Variants in AKT3 observed in about 807,000 individuals in gnomAD.
The protein encoded by AKT3 is RAC-gamma serine/threonine-protein kinase.
In AKT3, 15 loss-of-function variants were observed where a neutral mutation model predicts 65.3. The observed-to-expected ratio is 0.23, with a 90% CI of 0.15 to 0.35. AKT3 has a LOEUF of 0.35. Among genes scored for constraint, AKT3 ranks in the 10% least tolerant of loss-of-function variants. The pLI is 1.00. For synonymous variants in AKT3, 206 were observed against 183.8 expected (o/e 1.12, Z -0.98); for missense variants, 243 against 576.5 (o/e 0.42, Z 5.92).
chr1:243,686,994 C>T lies in AKT3; in HGVS notation c.172+8597G>A, dbSNP rs1477711821. Among the ~76,000 whole-genome samples the T allele has an allele frequency of 7.2e-5, 11 of 151,882 alleles. No homozygotes were observed. The East Asian group carries it at 1.7e-3, about 24-fold the overall frequency. On this transcript the variant is annotated intron_variant, in intron 3 of 13. Coordinates refer to ENST00000673466, the MANE Select transcript of AKT3 (RefSeq NM_005465.7). ...GATCTCACTTGATCCTCACTGTAAG[C>T]CTGTGAAGAAGGTATCATTAGCTCC...
chr1:243,646,911 T>C (rs1558681174), intron 4 of AKT3, among the ~76,000 whole-genome samples: 1 of 152,222 alleles, frequency 6.6e-6, no homozygotes, highest in South Asian at 2.1e-4. Context: ...GCATTTATTT[T>C]TTGACATTTG....
At chr1:243,663,434 G>A (rs1387377752) in intron 4 of AKT3, among the ~76,000 whole-genome samples, 1 of 151,756 alleles carries the variant, frequency 6.6e-6, no homozygotes. Context: ...ATCAATGGTG[G>A]GGAGGGGAGG....
chr1:243,576,138 G>A (rs772133370), intron 8 of AKT3, among the ~76,000 whole-genome samples: 42 of 151,866 alleles, frequency 2.8e-4, no homozygotes, highest in Non-Finnish European at 4.3e-4. Flanking sequence ...CAAAAACCAC[G>A]TGATTATCTC....
chr1:243,604,030 G>A (rs1677213063), intron 8 of AKT3, among the ~76,000 whole-genome samples: 1 of 151,702 alleles, frequency 6.6e-6, no homozygotes, highest in Non-Finnish European at 1.5e-5. Context: ...CAAGTAGCTG[G>A]GATTACAGGC....
chr1:243,626,047 G>T (rs1572052916), intron 6 of AKT3, among the ~76,000 whole-genome samples: 2 of 152,134 alleles, frequency 1.3e-5, no homozygotes, highest in African/African-American at 4.8e-5. Flanking sequence ...TTAACTTCAT[G>T]GTCATCAGGA....
At chr1:243,842,995 T>C (rs1695340511) in intron 2 of AKT3, 130 bp downstream of exon 2, 1 of 942,814 alleles carries the variant, frequency 1.1e-6, no homozygotes, top group Non-Finnish European at 1.5e-6. Flanking sequence ...ACGTTAAATA[T>C]ATCATTTCTC....
intron 6 of AKT3, among the ~76,000 whole-genome samples, chr1:243,623,149 G>A (rs1678892030): frequency 2.0e-5 from 3 of 152,152 alleles, no homozygotes. Flanking sequence ...GATAGTTTAT[G>A]CAAACAACAG....
In AKT3 at chr1:243,500,156, T is replaced by C. The variant is rs1669123278; in HGVS notation, c.*5093A>G. 1 of 298,650 alleles carries C rather than the reference T, an allele frequency of 3.3e-6. No homozygotes were observed. The allele number at this position is 298,650 out of a possible 1,614,324, so 18.5% of individuals were successfully genotyped here. On this transcript the variant is annotated 3_prime_UTR_variant, in exon 14 of 14. Coordinates refer to ENST00000673466, the MANE Select transcript of AKT3 (RefSeq NM_005465.7). Reference sequence around the variant, plus strand: ...ACAAAACACACCAAAAAGGCACATATTTTAACTAGGCCAAAGTATATTAAG... The same window carrying C: ...ACAAAACACACCAAAAAGGCACATACTTTAACTAGGCCAAAGTATATTAAG...
intron 2 of AKT3, among the ~76,000 whole-genome samples, chr1:243,785,516 T>C (rs932366872): frequency 6.6e-5 from 10 of 152,216 alleles, no homozygotes; most frequent in Non-Finnish European, 1.3e-4. Context: ...CTATTGGTGA[T>C]GCTATGTAAA....
chr1:243,708,185 A>G (rs1685922962), intron 2 of AKT3, among the ~76,000 whole-genome samples: 1 of 152,056 alleles, frequency 6.6e-6, no homozygotes, highest in Admixed American at 6.6e-5. Context: ...TTCTTAGACT[A>G]GAACTGAACA....
chr1:243,783,722 T>C (rs1691061046), intron 2 of AKT3, among the ~76,000 whole-genome samples: 1 of 152,190 alleles, frequency 6.6e-6, no homozygotes, highest in African/African-American at 2.4e-5. Context: ...GAATAGTCTA[T>C]AACAAAATAT....
intron 6 of AKT3, chr1:243,625,065 T>C: frequency 3.2e-6 from 1 of 309,694 alleles, no homozygotes. Flanking sequence ...ACCCTTGCCC[T>C]TTCCCCACTT....
At chr1:243,686,653 T>TATATATATATATA (rs1684343018) in intron 3 of AKT3, among the ~76,000 whole-genome samples, 6 of 11,550 alleles carry the variant, frequency 5.2e-4, no homozygotes, top group Non-Finnish European at 8.2e-4. Flanking sequence ...ATATATATAT[T>TATATATATATATA]TTTTTTTTTT....
intron 2 of AKT3, among the ~76,000 whole-genome samples, chr1:243,738,736 C>G (rs2148168262): frequency 6.6e-6 from 1 of 152,136 alleles, no homozygotes; most frequent in South Asian, 2.1e-4. Context: ...CAGTTACAAT[C>G]TAAGAAATGC....
At chr1:243,605,640 TC>T (rs1677347696) in intron 8 of AKT3, among the ~76,000 whole-genome samples, 1 of 152,228 alleles carries the variant, frequency 6.6e-6, no homozygotes, top group East Asian at 1.9e-4. Context: ...ATGATGAAAT[TC>T]CATTGTACCA....
rs535768933 is a variant in AKT3 at position 243,795,822 on chromosome 1, C to T, written c.46+47303G>A. Among the ~76,000 whole-genome samples, 8 of 152,226 alleles carry T rather than the reference C, an allele frequency of 5.3e-5. No homozygotes were observed. The East Asian group carries it at 1.5e-3, about 29-fold the overall frequency. On this transcript the variant is annotated intron_variant, in intron 2 of 13. Coordinates refer to ENST00000673466, the MANE Select transcript of AKT3 (RefSeq NM_005465.7). ...AATCCACGGCCCCTGGTTTCAAAGT[C>T]CAGACAGCTCTTCATTAATTTTGCA...
intron 8 of AKT3, among the ~76,000 whole-genome samples, chr1:243,584,314 G>A (rs1675635668): frequency 6.6e-6 from 1 of 151,968 alleles, no homozygotes; most frequent in South Asian, 2.1e-4. Flanking sequence ...AACTGAGTCA[G>A]TAATAAAAAA....
intron 2 of AKT3, among the ~76,000 whole-genome samples, chr1:243,762,775 C>T (rs756326366): frequency 2.6e-5 from 4 of 151,968 alleles, no homozygotes; most frequent in African/African-American, 4.8e-5. Context: ...ATTTCTAGAA[C>T]GAACCAGAGC....
intron 8 of AKT3, among the ~76,000 whole-genome samples, chr1:243,591,894 G>T (rs1199416978): frequency 6.6e-6 from 1 of 152,068 alleles, no homozygotes; most frequent in Non-Finnish European, 1.5e-5. Flanking sequence ...AGTAAACAGT[G>T]GGATAACATC....
Sources: gnomAD v4.1 joint callset for allele counts (sites outside exome capture counted in the v4.1 genomes callset) on GRCh38, gnomAD v4.1.1 for gene constraint, MANE v1.5 for transcripts, NCBI Gene and HGNC (gene_info 2026-07-23, HGNC 2026-07-21) for gene names.